Variants in PHACTR3 observed in about 807,000 individuals in gnomAD.
PHACTR3 encodes phosphatase and actin regulator 3, also known as protein phosphatase 1, regulatory subunit 123.
In PHACTR3, 16 loss-of-function variants were observed where a neutral mutation model predicts 66.8. The observed-to-expected ratio is 0.24, with a 90% CI of 0.16 to 0.36. The LOEUF is 0.36. PHACTR3 is among the 10% of genes least tolerant of loss of function. The pLI is 1.00. For missense variants in PHACTR3, 647 were observed against 719.9 expected, an observed-to-expected ratio of 0.90 and a Z score of 1.16; for synonymous variants, 323 against 292.1, an observed-to-expected ratio of 1.11 and a Z score of -1.08.
At chr20:59,771,623 T>TCC (rs1167358603) in intron 5 of PHACTR3, among the ~76,000 whole-genome samples, 1 of 150,890 alleles carries the variant, frequency 6.6e-6, no homozygotes, top group Non-Finnish European at 1.5e-5. Flanking sequence ...CCCTTTTCTC[T>TCC]CCCTCTCCTT....
At position 59,580,724 on chromosome 20, in the gene PHACTR3, G is replaced by A. The variant is rs140352390; in HGVS notation, c.109+3107G>A. On this transcript the variant is annotated intron_variant, in intron 1 of 12. Coordinates refer to the PHACTR3 transcript ENST00000359926. Reference sequence around the variant, plus strand: ...TTGTTTCCTGGCTCAGCTCAGAGTCGGGGCTGGGCAAGGCTCCCTGGAGGC... The same window carrying A: ...TTGTTTCCTGGCTCAGCTCAGAGTCAGGGCTGGGCAAGGCTCCCTGGAGGC... Among the ~76,000 whole-genome samples, 34 of 152,258 alleles carry A rather than the reference G, an allele frequency of 2.2e-4. No individual in the cohort carries two copies. The East Asian group carries it at 2.9e-3, about 13-fold the overall frequency.
chr20:59,639,341 T>C (rs2035020792), intron 1 of PHACTR3, among the ~76,000 whole-genome samples: 1 of 152,138 alleles, frequency 6.6e-6, no homozygotes, highest in Non-Finnish European at 1.5e-5. Context: ...AAGGAGCACC[T>C]GCAGGATGAG....
intron 1 of PHACTR3, among the ~76,000 whole-genome samples, chr20:59,741,031 C>G (rs943059138): frequency 2.6e-5 from 4 of 152,244 alleles, no homozygotes; most frequent in African/African-American, 4.8e-5. Flanking sequence ...TCCCCGGCCC[C>G]TTGGACACTG....
intron 1 of PHACTR3, among the ~76,000 whole-genome samples, chr20:59,642,861 GGT>G (rs761608734): frequency 1.3e-5 from 2 of 152,094 alleles, no homozygotes; most frequent in African/African-American, 4.8e-5. Context: ...AGAGCTCTCT[GGT>G]TGAATCAAAG....
intron 5 of PHACTR3, among the ~76,000 whole-genome samples, chr20:59,770,926 G>T (rs980011460): frequency 6.6e-6 from 1 of 152,220 alleles, no homozygotes; most frequent in African/African-American, 2.4e-5. Flanking sequence ...GTGGAGCTGG[G>T]TGCGATGTGC....
chr20:59,840,430 GGTA>G lies in PHACTR3; in HGVS notation c.1446+4_1446+6del. On this transcript the variant is annotated splice_donor_variant and splice_donor_region_variant and intron_variant, in intron 10 of 12. Transcript: ENST00000371015. LOFTEE classifies it high-confidence loss of function. ...AAATCAAGCAAAGATTGACAAGAAA[GGTA>G]GTATAAGCATTTTATTGCCTGAATA... The G allele has an allele frequency of 1.2e-6, 2 of 1,613,270 alleles. No individual in the cohort carries two copies. Among genetic ancestry groups the G allele is most frequent in the Non-Finnish European group, 1.7e-6 (2 of 1,179,460 alleles).
chr20:59,700,032 TCTC>T (rs2037440404), intron 1 of PHACTR3, among the ~76,000 whole-genome samples: 1 of 152,236 alleles, frequency 6.6e-6, no homozygotes, highest in African/African-American at 2.4e-5. Flanking sequence ...GTTGACCAGT[TCTC>T]CTTCCCTGAG....
At chr20:59,684,570 T>C (rs1751661843) in intron 1 of PHACTR3, among the ~76,000 whole-genome samples, 1 of 152,268 alleles carries the variant, frequency 6.6e-6, no homozygotes, top group Non-Finnish European at 1.5e-5. Context: ...GAGTCTGCTG[T>C]CATAGGAAGC....
At chr20:59,784,341 T>G (rs998048841) in intron 7 of PHACTR3, among the ~76,000 whole-genome samples, 1 of 151,874 alleles carries the variant, frequency 6.6e-6, no homozygotes, top group Non-Finnish European at 1.5e-5. Context: ...TGTGTATATA[T>G]AGAATGTGTA....
chr20:59,631,564 T>C (rs1295797821), intron 1 of PHACTR3, among the ~76,000 whole-genome samples: 1 of 152,172 alleles, frequency 6.6e-6, no homozygotes, highest in African/African-American at 2.4e-5. Flanking sequence ...CCAACTTTTA[T>C]ATTTTGGTCA....
intron 9 of PHACTR3, among the ~76,000 whole-genome samples, chr20:59,838,923 G>A (rs1425976542): frequency 1.3e-5 from 2 of 152,020 alleles, no homozygotes; most frequent in African/African-American, 2.4e-5. Context: ...CTTCTTGGAG[G>A]AGGTCTCCAA....
rs184778138 is a variant in PHACTR3, at chr20:59,612,891, C to T, written c.118+7759C>T. 3.7e-3 allele frequency among the ~76,000 whole-genome samples: 561 copies of T among 152,230 alleles called. 4 individuals are homozygous for T. Among genetic ancestry groups the T allele is most frequent in the African/African-American group, 0.013 (548 of 41,528 alleles). ...GGCCTCAGGAGGCTTCCAATTATGG[C>T]AGAAGGCAAAGGGGGAGCCAGCACA... On this transcript the variant is annotated intron_variant, in intron 1 of 12. Coordinates refer to ENST00000371015, the MANE Select transcript of PHACTR3 (RefSeq NM_080672.5).
At chr20:59,605,934 A>G (rs1041901608) in intron 1 of PHACTR3, among the ~76,000 whole-genome samples, 3 of 151,374 alleles carry the variant, frequency 2.0e-5, no homozygotes, top group East Asian at 3.9e-4. Flanking sequence ...ACCTCTCTCC[A>G]CCAGAAGGCA....
At chr20:59,825,574 A>G (rs1473392172) in intron 8 of PHACTR3, among the ~76,000 whole-genome samples, 1 of 152,140 alleles carries the variant, frequency 6.6e-6, no homozygotes, top group Non-Finnish European at 1.5e-5. Flanking sequence ...AACATAAATA[A>G]TCAATTCTGG....
At chr20:59,780,705 G>A (rs976017080) in intron 7 of PHACTR3, among the ~76,000 whole-genome samples, 1 of 152,176 alleles carries the variant, frequency 6.6e-6, no homozygotes, top group South Asian at 2.1e-4. Flanking sequence ...GTGGGCCTCC[G>A]TCTCTGGGGC....
At chr20:59,774,821 G>C (rs1202234655) in intron 7 of PHACTR3, among the ~76,000 whole-genome samples, 1 of 152,022 alleles carries the variant, frequency 6.6e-6, no homozygotes, top group Non-Finnish European at 1.5e-5. Flanking sequence ...CCCTGAGGAT[G>C]CTGTGGCGAA....
chr20:59,628,848 C>T (rs1356482753), intron 1 of PHACTR3: 7 of 977,860 alleles, frequency 7.2e-6, no homozygotes, highest in Non-Finnish European at 7.3e-6. Context: ...GTTTTTAATA[C>T]AATTGTTCAC....
intron 1 of PHACTR3, among the ~76,000 whole-genome samples, chr20:59,697,155 A>G (rs2037327471): frequency 6.6e-6 from 1 of 152,200 alleles, no homozygotes; most frequent in Admixed American, 6.5e-5. Context: ...ACAAAGGCTC[A>G]GAAGGCTCAG....
chr20:59,729,939 A>G (rs192204920), intron 1 of PHACTR3, among the ~76,000 whole-genome samples: 2 of 152,300 alleles, frequency 1.3e-5, no homozygotes, highest in East Asian at 3.9e-4. Context: ...GTAAATCTTC[A>G]GAAGCACGCT....
Sources: gnomAD v4.1 joint callset for allele counts (sites outside exome capture counted in the v4.1 genomes callset) on GRCh38, gnomAD v4.1.1 for gene constraint, MANE v1.5 for transcripts, NCBI Gene and HGNC (gene_info 2026-07-23, HGNC 2026-07-21) for gene names.